Variants in OR5D3 observed in about 807,000 individuals in gnomAD.
The protein encoded by OR5D3 is olfactory receptor family 5 subfamily D member 3, also known as olfactory receptor 5D3.
At chr11:55,725,831 T>G in the OR5D3 span, among the ~76,000 whole-genome samples, 1 of 152,040 alleles carries the variant, frequency 6.6e-6, no homozygotes, top group Non-Finnish European at 1.5e-5. Context: ...GCTTTAGAGG[T>G]ACAGCAGGAA....
the OR5D3 span, chr11:55,729,426 A>G: frequency 2.0e-5 from 3 of 152,028 alleles, no homozygotes; most frequent in Non-Finnish European, 2.9e-5. Flanking sequence ...TATGCACAAT[A>G]CTAAAGCAAG....
chr11:55,727,313 G>GTA, the OR5D3 span: 3 of 386,146 alleles, frequency 7.8e-6, no homozygotes, highest in Non-Finnish European at 1.4e-5. Context: ...AATACTGTAA[G>GTA]TATGGAATCT....
chr11:55,727,053 G>T, the OR5D3 span: 1 of 404,518 alleles, frequency 2.5e-6, no homozygotes, highest in Non-Finnish European at 4.4e-6. Flanking sequence ...TTTACACAGT[G>T]GTCATTCCCA....
chr11:55,726,720 T>C, the OR5D3 span: 1 of 399,144 alleles, frequency 2.5e-6, no homozygotes, highest in Non-Finnish European at 4.4e-6. Flanking sequence ...TATCTTTTTG[T>C]AGGACTAACT....
the OR5D3 span, among the ~76,000 whole-genome samples, chr11:55,724,403 G>T: frequency 6.6e-6 from 1 of 152,014 alleles, no homozygotes; most frequent in Admixed American, 6.6e-5. Flanking sequence ...TATGGTTTAT[G>T]GTAACTGTGA....
At chr11:55,723,928 A>G in the OR5D3 span, 5 of 395,982 alleles carry the variant, frequency 1.3e-5, no homozygotes, top group Non-Finnish European at 2.2e-5. Flanking sequence ...TATACTCTCG[A>G]CACTCCTACT....
At chr11:55,726,445 AC>A in the OR5D3 span, 1 of 468,994 alleles carries the variant, frequency 2.1e-6, no homozygotes, top group Non-Finnish European at 3.9e-6. Flanking sequence ...CACCACAATT[AC>A]ACCAAAACTG....
At chr11:55,726,626 A>G in the OR5D3 span, 1 of 401,384 alleles carries the variant, frequency 2.5e-6, no homozygotes. Context: ...GCAATGTCCC[A>G]GAGGCTTTGC....
the OR5D3 span, among the ~76,000 whole-genome samples, chr11:55,724,317 T>C: frequency 1.3e-5 from 2 of 151,994 alleles, no homozygotes; most frequent in Non-Finnish European, 2.9e-5. Context: ...TAAAGCAAAA[T>C]TGGCCTTATC....
chr11:55,725,692 A>G, the OR5D3 span, among the ~76,000 whole-genome samples: 3 of 152,008 alleles, frequency 2.0e-5, no homozygotes, highest in Non-Finnish European at 4.4e-5. Context: ...GAATGTGTTG[A>G]AAGTATTGGA....
chr11:55,724,218 C>T, the OR5D3 span, among the ~76,000 whole-genome samples: 1 of 151,856 alleles, frequency 6.6e-6, no homozygotes, highest in Non-Finnish European at 1.5e-5. Flanking sequence ...ATTCCTTCTC[C>T]CTTTCAAATG....
the OR5D3 span, chr11:55,726,640 TTGTTAG>T: frequency 2.5e-6 from 1 of 400,792 alleles, no homozygotes. Context: ...GCTTTGCTCC[TTGTTAG>T]TGGCTGCATC....
At chr11:55,728,181 C>G in the OR5D3 span, 1 of 151,952 alleles carries the variant, frequency 6.6e-6, no homozygotes, top group South Asian at 2.1e-4. Context: ...AGCAGAGCCA[C>G]AATAGAGTAT....
At chr11:55,724,128 C>A in the OR5D3 span, 15 of 393,864 alleles carry the variant, frequency 3.8e-5, no homozygotes, top group Middle Eastern at 1.3e-3. Flanking sequence ...TAGTACCAGA[C>A]AAACACACGT....
the OR5D3 span, chr11:55,724,127 A>T: frequency 5.1e-6 from 2 of 394,298 alleles, no homozygotes; most frequent in East Asian, 7.2e-5. Context: ...TTAGTACCAG[A>T]CAAACACACG....
chr11:55,726,874 A>C, the OR5D3 span: 5 of 399,030 alleles, frequency 1.3e-5, no homozygotes. Context: ...CTATGCTTTC[A>C]TTTTTATCAC....
At chr11:55,727,540 C>T in the OR5D3 span, 1 of 153,338 alleles carries the variant, frequency 6.5e-6, no homozygotes, top group African/African-American at 2.4e-5. Context: ...CAGTATAAAA[C>T]ACTATCTATA....
chr11:55,726,079 A>G, the OR5D3 span: 3,884 of 396,386 alleles, frequency 9.8e-3, 181 homozygotes, highest in African/African-American at 0.071. Flanking sequence ...AAATAATTTG[A>G]CAGTGGAAAC....
the OR5D3 span, chr11:55,728,670 T>C: frequency 2.2e-4 from 34 of 152,236 alleles, no homozygotes; most frequent in Middle Eastern, 3.4e-3. Flanking sequence ...TCAAGGTTTA[T>C]CTTTATTTCC....
Sources: gnomAD v4.1 joint callset for allele counts (sites outside exome capture counted in the v4.1 genomes callset) on GRCh38, gnomAD v4.1.1 for gene constraint, MANE v1.5 for transcripts, NCBI Gene and HGNC (gene_info 2026-07-23, HGNC 2026-07-21) for gene names.